Variants in MAF observed in about 807,000 individuals in gnomAD.
MAF encodes the protein transcription factor Maf.
MAF carries 10 observed loss-of-function variants against 22.0 expected under a neutral mutation model. That is an observed-to-expected ratio of 0.45 (90% CI 0.28 to 0.77). MAF has a LOEUF of 0.77. MAF is among the 30% of genes least tolerant of loss of function. The pLI, the probability that MAF is intolerant of heterozygous loss-of-function variation, is 0.12. For synonymous variants in MAF, 337 were observed against 255.8 expected (o/e 1.32, Z -3.03); for missense variants, 544 against 548.4 (o/e 0.99, Z 0.08).
the MAF span, among the ~76,000 whole-genome samples, chr16:79,511,588 C>T: frequency 6.6e-6 from 1 of 152,170 alleles, no homozygotes; most frequent in East Asian, 1.9e-4. Context: ...GTTACATGCA[C>T]AAGAAGCATG....
the MAF span, among the ~76,000 whole-genome samples, chr16:79,208,177 C>T: frequency 1.3e-5 from 2 of 152,318 alleles, no homozygotes; most frequent in African/African-American, 4.8e-5. Flanking sequence ...CACAGTTCTC[C>T]TCTGGCAGCT....
chr16:79,232,543 T>C, the MAF span, among the ~76,000 whole-genome samples: 2 of 152,058 alleles, frequency 1.3e-5, no homozygotes, highest in Non-Finnish European at 2.9e-5. Flanking sequence ...GAGAAGGCTC[T>C]TACCAACATA....
the MAF span, among the ~76,000 whole-genome samples, chr16:79,228,275 AT>A: frequency 6.6e-6 from 1 of 152,070 alleles, no homozygotes; most frequent in Non-Finnish European, 1.5e-5. Context: ...AGAATGAAAA[AT>A]ATGCCATCTA....
chr16:79,254,126 C>T, the MAF span, among the ~76,000 whole-genome samples: 1 of 151,638 alleles, frequency 6.6e-6, no homozygotes, highest in Non-Finnish European at 1.5e-5. Flanking sequence ...AATTCATATG[C>T]CTCATTAAAA....
At chr16:79,315,915 G>A in the MAF span, among the ~76,000 whole-genome samples, 1 of 152,214 alleles carries the variant, frequency 6.6e-6, no homozygotes, top group Non-Finnish European at 1.5e-5. Flanking sequence ...CTGCTCCTGG[G>A]TGTGTGGGGG....
At chr16:79,446,304 T>C in the MAF span, among the ~76,000 whole-genome samples, 2 of 152,270 alleles carry the variant, frequency 1.3e-5, no homozygotes, top group East Asian at 3.9e-4. Context: ...ATATGTGTTT[T>C]TGAACAGTCG....
chr16:79,512,353 T>A, the MAF span, among the ~76,000 whole-genome samples: 1 of 152,138 alleles, frequency 6.6e-6, no homozygotes, highest in African/African-American at 2.4e-5. Flanking sequence ...TGGTCTCTGG[T>A]TGAAGAAAAT....
At chr16:79,376,026 A>G in the MAF span, among the ~76,000 whole-genome samples, 1 of 152,190 alleles carries the variant, frequency 6.6e-6, no homozygotes, top group East Asian at 1.9e-4. Context: ...GTATCTTGAG[A>G]AACTCATCGG....
the MAF span, among the ~76,000 whole-genome samples, chr16:79,357,253 C>CAACAACA: frequency 4.8e-5 from 7 of 145,976 alleles, no homozygotes; most frequent in East Asian, 4.1e-4. Flanking sequence ...AAGACTCTGT[C>CAACAACA]ACAACAACAA....
At chr16:79,491,218 G>T in the MAF span, among the ~76,000 whole-genome samples, 4 of 152,268 alleles carry the variant, frequency 2.6e-5, no homozygotes, top group East Asian at 7.7e-4. Flanking sequence ...GTGAGGACCA[G>T]ACTCAAAGGC....
At chr16:79,478,797 C>T in the MAF span, among the ~76,000 whole-genome samples, 5 of 147,504 alleles carry the variant, frequency 3.4e-5, no homozygotes, top group African/African-American at 5.0e-5. Flanking sequence ...TACCATCCTA[C>T]GATACCTGTG....
At chr16:79,563,763 A>AC in the MAF span, among the ~76,000 whole-genome samples, 2,711 of 129,636 alleles carry the variant, frequency 0.021, 76 homozygotes, top group African/African-American at 0.067. Context: ...ACACACACAC[A>AC]AACACACACA....
chr16:79,225,327 G>A, the MAF span, among the ~76,000 whole-genome samples: 37 of 152,234 alleles, frequency 2.4e-4, no homozygotes, highest in African/African-American at 7.9e-4. Flanking sequence ...AACAGAAACT[G>A]GAACCCTTCC....
the MAF span, among the ~76,000 whole-genome samples, chr16:79,400,745 C>A: frequency 6.6e-6 from 1 of 152,380 alleles, no homozygotes; most frequent in South Asian, 2.1e-4. Context: ...TACCCGGAGG[C>A]AGGAGCCAGG....
the MAF span, among the ~76,000 whole-genome samples, chr16:79,263,660 T>C: frequency 6.6e-6 from 1 of 152,248 alleles, no homozygotes; most frequent in Non-Finnish European, 1.5e-5. Context: ...TTTTTAAACC[T>C]GTCATTCTGT....
chr16:79,358,828 G>A, the MAF span, among the ~76,000 whole-genome samples: 1 of 152,258 alleles, frequency 6.6e-6, no homozygotes, highest in South Asian at 2.1e-4. Context: ...GCCCATTCCT[G>A]GGGAGTCTGA....
chr16:79,458,316 A>G, the MAF span, among the ~76,000 whole-genome samples: 1 of 152,142 alleles, frequency 6.6e-6, no homozygotes, highest in Non-Finnish European at 1.5e-5. Context: ...CTCTCTGTGC[A>G]TGGTTGGGGA....
chr16:79,347,433 C>T, the MAF span, among the ~76,000 whole-genome samples: 2 of 152,200 alleles, frequency 1.3e-5, no homozygotes, highest in Admixed American at 6.5e-5. Flanking sequence ...CAAGGAGCAT[C>T]GGCTCCAAAC....
chr16:79,387,252 G>C, the MAF span, among the ~76,000 whole-genome samples: 1 of 152,152 alleles, frequency 6.6e-6, no homozygotes, highest in African/African-American at 2.4e-5. Context: ...ATTTGCATTT[G>C]GTTGTTTATC....
Sources: gnomAD v4.1 joint callset for allele counts (sites outside exome capture counted in the v4.1 genomes callset) on GRCh38, gnomAD v4.1.1 for gene constraint, MANE v1.5 for transcripts, NCBI Gene and HGNC (gene_info 2026-07-23, HGNC 2026-07-21) for gene names.